The following CRB1 variants were observed in gnomAD, a reference collection of about 807,000 sequenced individuals.
The protein encoded by CRB1 is protein crumbs homolog 1.
In CRB1, 83 loss-of-function variants were observed where a neutral mutation model predicts 120.0. The ratio of observed to expected loss-of-function variants is 0.69; its 90% CI spans 0.58 to 0.83. CRB1 has a LOEUF of 0.83. Ranked by LOEUF, CRB1 falls within the 40% of genes least tolerant of loss-of-function variation. The pLI is 0.00. For synonymous variants in CRB1, 625 were observed against 612.5 expected, an observed-to-expected ratio of 1.02 and a Z score of -0.30; for missense variants, 1,699 against 1,687.6, an observed-to-expected ratio of 1.01 and a Z score of -0.12.
At chr1:197,405,469 C>G (rs973740254) in intron 5 of CRB1, among the ~76,000 whole-genome samples, 9 of 151,982 alleles carry the variant, frequency 5.9e-5, no homozygotes, top group Non-Finnish European at 1.3e-4. Flanking sequence ...CCCAAAGTGC[C>G]GAGAGTGCAG....
At chr1:197,274,397 T>C (rs967759187) in intron 1 of CRB1, among the ~76,000 whole-genome samples, 1 of 152,206 alleles carries the variant, frequency 6.6e-6, no homozygotes, top group Non-Finnish European at 1.5e-5. Flanking sequence ...ATTTCATACA[T>C]TTGTAATGCA....
chr1:197,435,759 A>T, intron 9 of CRB1, 147 bp downstream of exon 9: 1 of 721,932 alleles, frequency 1.4e-6, no homozygotes, highest in South Asian at 1.7e-5. Flanking sequence ...CAATTTGGTC[A>T]TGTTCAGATG....
At chr1:197,389,014 C>T (rs1662357988) in intron 5 of CRB1, among the ~76,000 whole-genome samples, 1 of 152,106 alleles carries the variant, frequency 6.6e-6, no homozygotes, top group Non-Finnish European at 1.5e-5. Context: ...GATACCGCTT[C>T]ATTCCCATTA....
chr1:197,255,996 T>TAC, the CRB1 span, among the ~76,000 whole-genome samples: 841 of 116,478 alleles, frequency 7.2e-3, 13 homozygotes, highest in African/African-American at 0.017. Flanking sequence ...TATATATATA[T>TAC]ACACTACAAT....
chr1:197,401,933 ATTTG>A (rs1351409045), intron 5 of CRB1, among the ~76,000 whole-genome samples: 6 of 151,668 alleles, frequency 4.0e-5, no homozygotes, highest in African/African-American at 9.7e-5. Flanking sequence ...TATCTTTTAA[ATTTG>A]TTTATTTTTA....
intron 11 of CRB1, among the ~76,000 whole-genome samples, chr1:197,450,617 A>G (rs139952631): frequency 7.9e-5 from 12 of 152,018 alleles, no homozygotes; most frequent in African/African-American, 2.7e-4. Flanking sequence ...TTATCATGAG[A>G]ATGGAAAAAT....
intron 1 of CRB1, among the ~76,000 whole-genome samples, chr1:197,273,830 T>G (rs1296153033): frequency 6.6e-6 from 1 of 152,024 alleles, no homozygotes; most frequent in African/African-American, 2.4e-5. Flanking sequence ...AGACTGATCT[T>G]GTGTATTTCC....
chr1:197,429,707 C>G, intron 8 of CRB1, 93 bp downstream of exon 8: 1 of 1,315,884 alleles, frequency 7.6e-7, no homozygotes, highest in Non-Finnish European at 1.1e-6. Flanking sequence ...TAGACAAAGC[C>G]AGTTTATTAA....
chr1:197,222,475 C>T, the CRB1 span: 3 of 768,844 alleles, frequency 3.9e-6, no homozygotes, highest in African/African-American at 5.1e-5. Flanking sequence ...CTGGCTCTAC[C>T]ACCAGGCAGT....
chr1:197,273,070 T>G (rs1292248667), intron 1 of CRB1, among the ~76,000 whole-genome samples: 1 of 152,092 alleles, frequency 6.6e-6, no homozygotes, highest in Non-Finnish European at 1.5e-5. Context: ...ATGCTTTCCC[T>G]GTTCTAGTAT....
At chr1:197,279,054 G>C (rs543451591) in intron 1 of CRB1, among the ~76,000 whole-genome samples, 17 of 151,962 alleles carry the variant, frequency 1.1e-4, no homozygotes, top group African/African-American at 4.1e-4. Context: ...AATGTTTTCT[G>C]AAAGAAAATA....
At chr1:197,245,325 TG>T in the CRB1 span, among the ~76,000 whole-genome samples, 1 of 152,108 alleles carries the variant, frequency 6.6e-6, no homozygotes, top group East Asian at 1.9e-4. Flanking sequence ...AGCATTTCTA[TG>T]ATGGCTGCTT....
intron 11 of CRB1, among the ~76,000 whole-genome samples, chr1:197,447,753 G>A (rs773654136): frequency 1.3e-5 from 2 of 151,728 alleles, no homozygotes; most frequent in Non-Finnish European, 2.9e-5. Flanking sequence ...GGAGGCTGAG[G>A]CTAGGTGGGA....
intron 11 of CRB1, among the ~76,000 whole-genome samples, chr1:197,475,216 T>C (rs951051263): frequency 6.6e-6 from 1 of 152,212 alleles, no homozygotes; most frequent in African/African-American, 2.4e-5. Flanking sequence ...TATTCTTGAA[T>C]GTCTCCAAGG....
At chr1:197,464,192 C>T (rs1172153117) in intron 11 of CRB1, among the ~76,000 whole-genome samples, 1 of 152,128 alleles carries the variant, frequency 6.6e-6, no homozygotes. Context: ...CTTTTACACC[C>T]AACGCCGTCA....
At chr1:197,347,220 T>C (rs866530000) in intron 3 of CRB1, 120 bp from the exon 4 acceptor site, 2 of 869,178 alleles carry the variant, frequency 2.3e-6, no homozygotes. Flanking sequence ...TCCCCAGAGT[T>C]TTTGAGGTAG....
At chr1:197,359,855 T>A (rs1027922425) in intron 5 of CRB1, among the ~76,000 whole-genome samples, 6 of 152,252 alleles carry the variant, frequency 3.9e-5, no homozygotes, top group Non-Finnish European at 8.8e-5. Context: ...CCTAGTGATG[T>A]TGAACATCTT....
chr1:197,374,820 T>A (rs2821107), intron 5 of CRB1, among the ~76,000 whole-genome samples: 117,042 of 152,078 alleles, frequency 0.77, 45,156 homozygotes, highest in Middle Eastern at 0.86. Flanking sequence ...TTGACTCAGC[T>A]GTCACAGATA....
At chr1:197,365,768 G>T (rs1252666867) in intron 5 of CRB1, among the ~76,000 whole-genome samples, 1 of 151,686 alleles carries the variant, frequency 6.6e-6, no homozygotes, top group Non-Finnish European at 1.5e-5. Flanking sequence ...TGTTTCTGTT[G>T]CTGACCGGGG....
Sources: gnomAD v4.1 joint callset for allele counts (sites outside exome capture counted in the v4.1 genomes callset) on GRCh38, gnomAD v4.1.1 for gene constraint, MANE v1.5 for transcripts, NCBI Gene and HGNC (gene_info 2026-07-23, HGNC 2026-07-21) for gene names.